TNKS: variants seen among roughly 807,000 people sequenced by gnomAD.
TNKS encodes the protein poly [ADP-ribose] polymerase tankyrase-1.
In TNKS, 72 loss-of-function variants were observed where a neutral mutation model predicts 135.8. That is an observed-to-expected ratio of 0.53 (90% CI 0.44 to 0.64). The LOEUF is 0.64. Among genes scored for constraint, TNKS ranks in the 30% least tolerant of loss-of-function variants. The pLI, the probability that TNKS is intolerant of heterozygous loss-of-function variation, is 0.00. For missense variants in TNKS, 1,769 were observed against 1,674.0 expected (o/e 1.06, Z -0.99); for synonymous variants, 849 against 649.3 (o/e 1.31, Z -4.68).
intron 1 of TNKS, among the ~76,000 whole-genome samples, chr8:9,561,453 A>G (rs765240984): frequency 6.6e-6 from 1 of 152,210 alleles, no homozygotes; most frequent in Non-Finnish European, 1.5e-5. Flanking sequence ...TTAGAATTTC[A>G]TATAAATGCA....
chr8:9,764,988 A>T (rs1279174948), intron 23 of TNKS, among the ~76,000 whole-genome samples, 198 bp downstream of exon 23: 1 of 152,236 alleles, frequency 6.6e-6, no homozygotes, highest in South Asian at 2.1e-4. Flanking sequence ...AAATAGAGAC[A>T]TTCTGAAAGC....
In TNKS at chr8:9,745,516, T is replaced by G. The variant is rs148086306; in HGVS notation, c.2644-2508T>G. Among the ~76,000 whole-genome samples the G allele has an allele frequency of 9.3e-4, 142 of 152,290 alleles. 2 individuals carry two copies. In the East Asian group the frequency reaches 0.022, roughly 24 times the overall value. Reference sequence around the variant, plus strand: ...GTCTCCCAGATTCAAGCGATTCTCCTGCCTCAGCCTCCCAAGTAGCTGGGA... The same window carrying G: ...GTCTCCCAGATTCAAGCGATTCTCCGGCCTCAGCCTCCCAAGTAGCTGGGA... On this transcript the variant is annotated intron_variant, in intron 17 of 26. Coordinates refer to ENST00000310430, the MANE Select transcript of TNKS (RefSeq NM_003747.3).
intron 21 of TNKS, among the ~76,000 whole-genome samples, chr8:9,762,628 C>T (rs556746157): frequency 1.2e-3 from 178 of 152,162 alleles, no homozygotes; most frequent in Middle Eastern, 6.8e-3. Flanking sequence ...TTGGGCTGGG[C>T]GCAGTGGCTC....
intron 21 of TNKS, among the ~76,000 whole-genome samples, chr8:9,761,917 C>G (rs954909107): frequency 7.2e-5 from 11 of 152,244 alleles, no homozygotes; most frequent in Admixed American, 5.2e-4. Flanking sequence ...CCACCATTCT[C>G]TCTCGTGGAC....
chr8:9,569,776 T>G (rs982611938), intron 1 of TNKS, among the ~76,000 whole-genome samples: 22 of 152,272 alleles, frequency 1.4e-4, no homozygotes, highest in Non-Finnish European at 2.8e-4. Flanking sequence ...GCATTATATC[T>G]CTTCGTATTC....
At chr8:9,771,240 AAGG>A (rs1677349688) in intron 26 of TNKS, among the ~76,000 whole-genome samples, 1 of 133,614 alleles carries the variant, frequency 7.5e-6, no homozygotes, top group Non-Finnish European at 1.6e-5. Context: ...AGAGCGAGGA[AAGG>A]AGGGAGGGAG....
At chr8:9,584,421 C>G (rs965763897) in intron 2 of TNKS, among the ~76,000 whole-genome samples, 5 of 152,100 alleles carry the variant, frequency 3.3e-5, no homozygotes, top group African/African-American at 9.7e-5. Flanking sequence ...AAAATCTTAG[C>G]TATAGTAAGG....
In TNKS at chr8:9,780,047, T is replaced by G. The variant is rs144437591; in HGVS notation, c.*3311T>G. On this transcript the variant is annotated 3_prime_UTR_variant, in exon 27 of 27. Coordinates refer to ENST00000310430, the MANE Select transcript of TNKS (RefSeq NM_003747.3). ...GCCTGAATATGGCAAGCAAATAATG[T>G]AGATTAACATTCTATTATTGTATCC... The G allele has an allele frequency of 3.9e-5, 6 of 152,146 alleles. No individual in the cohort carries two copies. The highest frequency in any genetic ancestry group is 8.8e-5 in the Non-Finnish European group (6 of 68,032). 9.4% of individuals were successfully genotyped at this position (152,146 alleles called of 1,614,324 possible).
intron 18 of TNKS, among the ~76,000 whole-genome samples, chr8:9,750,009 C>CA (rs936587991): frequency 6.6e-6 from 1 of 152,152 alleles, no homozygotes; most frequent in African/African-American, 2.4e-5. Context: ...CTCCATCAGC[C>CA]AAAAGCTCCA....
At chr8:9,749,781 C>A (rs951630711) in intron 18 of TNKS, among the ~76,000 whole-genome samples, 1 of 152,148 alleles carries the variant, frequency 6.6e-6, no homozygotes, top group Non-Finnish European at 1.5e-5. Flanking sequence ...CTGTACATAG[C>A]CTCTGTAGCT....
rs1036382645 is a variant in TNKS at position 9,715,828 on chromosome 8, C to A, written c.1750-4546C>A. 6.1e-4 allele frequency among the ~76,000 whole-genome samples: 93 copies of A among 152,080 alleles called. 2 individuals carry two copies. Among genetic ancestry groups the A allele is most frequent in the African/African-American group, 2.1e-3 (88 of 41,508 alleles). ...AAAATCAATAATTTATTATCCCCTG[C>A]TTTTTGGGAGTACTATAAAGTCTAA... On this transcript the variant is annotated intron_variant, in intron 11 of 26. Transcript: ENST00000310430.
intron 20 of TNKS, among the ~76,000 whole-genome samples, chr8:9,757,370 T>C (rs899912525): frequency 6.6e-6 from 1 of 152,206 alleles, no homozygotes; most frequent in African/African-American, 2.4e-5. Flanking sequence ...TTTTAATCCT[T>C]GATACATACT....
At chr8:9,653,945 A>G (rs1801242787) in intron 3 of TNKS, among the ~76,000 whole-genome samples, 1 of 151,972 alleles carries the variant, frequency 6.6e-6, no homozygotes, top group Non-Finnish European at 1.5e-5. Flanking sequence ...TCCTGTCTGC[A>G]TCTGCATGGT....
In TNKS at chr8:9,774,723, C is replaced by T. The variant is rs1808125238; in HGVS notation, c.3898-1927C>T. ...CATTTAGATAAGGACCTTTAAGGAA[C>T]TCATGCCATTAGAATCTTAGAATCC... is the stretch of plus-strand genomic sequence containing the variant. On this transcript the variant is annotated intron_variant, in intron 26 of 26. Transcript: ENST00000310430. Among the ~76,000 whole-genome samples, 4 of 152,154 alleles carry T rather than the reference C, an allele frequency of 2.6e-5. No homozygotes were observed. In the South Asian group the frequency reaches 8.3e-4, roughly 32 times the overall value.
At chr8:9,701,389 C>T (rs1405648526) in intron 5 of TNKS, among the ~76,000 whole-genome samples, 1 of 152,118 alleles carries the variant, frequency 6.6e-6, no homozygotes, top group African/African-American at 2.4e-5. Context: ...TCTTTTTGTT[C>T]ATAAGCAAGA....
chr8:9,713,858 G>GT lies in TNKS; in HGVS notation c.1749+3639dup, dbSNP rs140802823. Among the ~76,000 whole-genome samples the GT allele has an allele frequency of 3.4e-3, 512 of 152,194 alleles. 4 individuals carry two copies. The highest frequency in any genetic ancestry group is 0.012 in the African/African-American group (486 of 41,522). On this transcript the variant is annotated intron_variant, in intron 11 of 26. Transcript: ENST00000310430. ...TTGGGCTCCCATTTTTTCTTGCGTA[G>GT]TATTTCTTTCTGAGGAACTCATGGT...
At chr8:9,613,676 A>G (rs562302746) in intron 2 of TNKS, among the ~76,000 whole-genome samples, 7 of 152,350 alleles carry the variant, frequency 4.6e-5, no homozygotes, top group African/African-American at 1.7e-4. Flanking sequence ...GAAAACATCT[A>G]TTTCAAGTAA....
intron 1 of TNKS, among the ~76,000 whole-genome samples, chr8:9,571,093 G>C (rs895505840): frequency 6.6e-6 from 1 of 152,150 alleles, no homozygotes; most frequent in South Asian, 2.1e-4. Flanking sequence ...TTCATTCATT[G>C]TACTATGTTT....
intron 3 of TNKS, among the ~76,000 whole-genome samples, chr8:9,664,392 C>T (rs566987292): frequency 1.5e-3 from 223 of 152,250 alleles, no homozygotes; most frequent in African/African-American, 5.2e-3. Context: ...CACCTTCCAA[C>T]GCAAATTAAA....
Sources: gnomAD v4.1 joint callset for allele counts (sites outside exome capture counted in the v4.1 genomes callset) on GRCh38, gnomAD v4.1.1 for gene constraint, MANE v1.5 for transcripts, NCBI Gene and HGNC (gene_info 2026-07-23, HGNC 2026-07-21) for gene names.